SMURF2: variants seen among roughly 807,000 people sequenced by gnomAD.
SMURF2 encodes the protein E3 ubiquitin-protein ligase SMURF2.
A neutral mutation model predicts 109.6 loss-of-function variants in SMURF2; 48 were observed. That is an observed-to-expected ratio of 0.44 (90% confidence interval 0.35 to 0.56). The LOEUF (loss-of-function observed/expected upper bound fraction) is 0.56. Among genes scored for constraint, SMURF2 ranks in the 20% least tolerant of loss-of-function variants. The probability of loss-of-function intolerance (pLI) is 0.01; values close to 1 mark genes in which losing one functional copy is unlikely to be tolerated. For missense variants in SMURF2, 575 were observed against 909.0 expected (o/e 0.63, Z 4.72); for synonymous variants, 288 against 317.1 (o/e 0.91, Z 0.97).
At position 64,645,554 on chromosome 17, in the gene SMURF2, A is replaced by T. The variant is rs8068750; in HGVS notation, c.52+16275T>A. 2.0e-3 allele frequency among the ~76,000 whole-genome samples: 309 copies of T among 152,190 alleles called. 5 individuals are homozygous for T. Among genetic ancestry groups the T allele is most frequent in the African/African-American group, 7.0e-3 (292 of 41,474 alleles). On this transcript the variant is annotated intron_variant, in intron 1 of 18. Coordinates refer to ENST00000262435, the MANE Select transcript of SMURF2 (RefSeq NM_022739.4). ...CATCAGCCTGGGCAACACAGTGAGAACTTGTCCCTAAAAAAATAATTAAGA... is the reference window on the plus strand; with the variant it reads ...CATCAGCCTGGGCAACACAGTGAGATCTTGTCCCTAAAAAAATAATTAAGA...
intron 1 of SMURF2, among the ~76,000 whole-genome samples, chr17:64,657,603 G>A (rs144828660): frequency 0.015 from 2,242 of 151,752 alleles, 20 homozygotes; most frequent in Non-Finnish European, 0.021. Flanking sequence ...CAGTTGGGAA[G>A]CCAAGGTGGG....
rs147370553 is a variant in SMURF2 at position 64,612,963 on chromosome 17, G to A, written c.53-6323C>T. ...AAATAATATCAAGATTGGTCAGACC[G>A]CTATGCTTCATGCTGGATCTAAGCA... On this transcript the variant is annotated intron_variant, in intron 1 of 18. Transcript: ENST00000262435. 3.9e-3 allele frequency among the ~76,000 whole-genome samples: 589 copies of A among 152,250 alleles called. 5 individuals carry two copies. The highest frequency in any genetic ancestry group is 0.014 in the African/African-American group (562 of 41,546).
chr17:64,546,172 A>G lies in SMURF2; in HGVS notation c.2147+91T>C. 6 of 1,233,502 alleles carry G rather than the reference A, an allele frequency of 4.9e-6. No homozygotes were observed. The South Asian group carries it at 6.5e-5, about 13-fold the overall frequency. The allele number at this position is 1,233,502 out of a possible 1,614,324, so 76.4% of individuals were successfully genotyped here. Reference sequence around the variant, plus strand: ...CATTCCCTTTAAAGGCCCATTTAACACTAGTAAGTACAATAAATAAAAAGT... The same window carrying G: ...CATTCCCTTTAAAGGCCCATTTAACGCTAGTAAGTACAATAAATAAAAAGT... On this transcript the variant is annotated intron_variant, in intron 18 of 18. Transcript: ENST00000262435.
chr17:64,578,298 G>A (rs1969527744), intron 9 of SMURF2, among the ~76,000 whole-genome samples, 194 bp downstream of exon 9: 1 of 152,080 alleles, frequency 6.6e-6, no homozygotes, highest in African/African-American at 2.4e-5. Flanking sequence ...ACTGGTGAGG[G>A]AGGGGAGAAC....
intron 9 of SMURF2, 140 bp downstream of exon 9, chr17:64,578,352 G>A (rs1350544765): frequency 6.4e-6 from 4 of 623,100 alleles, no homozygotes; most frequent in Admixed American, 6.0e-5. Context: ...TCTACTAAAC[G>A]TTAAAACTGA....
Position 64,564,201 on chromosome 17 carries a change from G to A in SMURF2, c.1017-1235C>T, listed in dbSNP as rs557350643. Among the ~76,000 whole-genome samples, 11 of 152,230 alleles carry A rather than the reference G, an allele frequency of 7.2e-5. No homozygotes were observed. The East Asian group carries it at 1.7e-3, about 24-fold the overall frequency. On this transcript the variant is annotated intron_variant, in intron 10 of 18. Transcript: ENST00000262435. ...TCATAATAGTTTTATCTGTCATAGC[G>A]AAAGACTGGAAACAACCCAAATGCC...
chr17:64,577,653 T>G (rs991637339), intron 9 of SMURF2, among the ~76,000 whole-genome samples: 11 of 151,006 alleles, frequency 7.3e-5, no homozygotes, highest in African/African-American at 2.4e-4. Context: ...TGGAGTGCTG[T>G]AGCACGACCA....
At position 64,545,846 on chromosome 17, in the gene SMURF2, T is replaced by C; in HGVS notation, c.*2A>G. The C allele has an allele frequency of 6.3e-7, 1 of 1,581,118 alleles. No individual in the cohort carries two copies. Among genetic ancestry groups the C allele is most frequent in the Non-Finnish European group, 8.7e-7 (1 of 1,150,268 alleles). ...GAGTCCTGGGTAAATCCTTGAAGCT[T>C]GTCATTCCACAGCAAATCCACATGT... On this transcript the variant is annotated 3_prime_UTR_variant, in exon 19 of 19. Coordinates refer to ENST00000262435, the MANE Select transcript of SMURF2 (RefSeq NM_022739.4).
intron 1 of SMURF2, among the ~76,000 whole-genome samples, chr17:64,656,567 A>C (rs565874979): frequency 1.3e-5 from 2 of 152,190 alleles, no homozygotes; most frequent in Non-Finnish European, 2.9e-5. Flanking sequence ...CTCTTGTAAG[A>C]AGCAGCCTAA....
chr17:64,580,640 A>C (rs1969565584), intron 8 of SMURF2, 149 bp downstream of exon 8: 1 of 765,510 alleles, frequency 1.3e-6, no homozygotes. Context: ...ACCACTTCAA[A>C]GACTTTTCAA....
Position 64,661,982 on chromosome 17 carries a change from G to C in SMURF2, c.-102C>G. On this transcript the variant is annotated 5_prime_UTR_variant, in exon 1 of 19. Coordinates refer to ENST00000262435, the MANE Select transcript of SMURF2 (RefSeq NM_022739.4). ...GCCGGGGCTGGGGCCCGAGCAGCCG[G>C]CGCCTCGGCCGCCACGGCCGGAGGG... The C allele has an allele frequency of 9.0e-7, 1 of 1,113,164 alleles. No homozygotes were observed. The highest frequency in any genetic ancestry group is 1.1e-6 in the Non-Finnish European group (1 of 912,550). 69.0% of individuals were successfully genotyped at this position (1,113,164 alleles called of 1,614,324 possible).
At chr17:64,620,987 C>G (rs572183439) in intron 1 of SMURF2, among the ~76,000 whole-genome samples, 1 of 152,260 alleles carries the variant, frequency 6.6e-6, no homozygotes, top group Admixed American at 6.5e-5. Flanking sequence ...CGTACCCATT[C>G]CTTAGGGCCC....
In SMURF2 at chr17:64,581,061, A is replaced by C; in HGVS notation, c.570-70T>G. The C allele has an allele frequency of 7.4e-7, 1 of 1,353,198 alleles. No individual in the cohort carries two copies. The allele number at this position is 1,353,198 out of a possible 1,614,324, so 83.8% of individuals were successfully genotyped here. On this transcript the variant is annotated intron_variant, in intron 7 of 18. Transcript: ENST00000262435. This position sits in a 1 kb window ranked among gnomAD's most constrained non-coding sequence, Gnocchi z 4.3. ...AAAAGTAGAGTTCTCTAGACAATAT[A>C]TATATACTGCAGTAACAACCACTTA...
At chr17:64,605,775 A>ATATC (rs1367705550) in intron 2 of SMURF2, among the ~76,000 whole-genome samples, 2 of 139,014 alleles carry the variant, frequency 1.4e-5, no homozygotes, top group African/African-American at 2.8e-5. Context: ...ATATATATAT[A>ATATC]TCTTATTTCT....
chr17:64,596,138 A>C (rs1969813859), intron 3 of SMURF2, among the ~76,000 whole-genome samples: 1 of 152,048 alleles, frequency 6.6e-6, no homozygotes, highest in Admixed American at 6.6e-5. Context: ...CAATATTTTT[A>C]TACTGACATG....
At chr17:64,568,797 T>G (rs150148618) in intron 10 of SMURF2, among the ~76,000 whole-genome samples, 2 of 140,860 alleles carry the variant, frequency 1.4e-5, no homozygotes, top group African/African-American at 5.4e-5. Flanking sequence ...AGGCCAAGAG[T>G]TGGAGACCAG....
intron 1 of SMURF2, among the ~76,000 whole-genome samples, chr17:64,635,892 CCA>C (rs1267972789): frequency 6.6e-6 from 1 of 152,146 alleles, no homozygotes. Flanking sequence ...TGAAAAACTG[CCA>C]CAAACTGTTT....
chr17:64,584,370 T>G (rs1239349142), intron 6 of SMURF2, among the ~76,000 whole-genome samples: 4 of 145,924 alleles, frequency 2.7e-5, no homozygotes, highest in Non-Finnish European at 4.5e-5. Flanking sequence ...TCTTTTTTTT[T>G]TTTTTTTGAG....
At chr17:64,624,478 C>T (rs969857506) in intron 1 of SMURF2, among the ~76,000 whole-genome samples, 6 of 145,606 alleles carry the variant, frequency 4.1e-5, no homozygotes, top group Middle Eastern at 3.5e-3. Flanking sequence ...GGATTACAGG[C>T]GCACGCCACC....
Sources: allele counts gnomAD v4.1 joint callset (sites outside exome capture counted in the v4.1 genomes callset), GRCh38; gene constraint gnomAD v4.1.1; non-coding constraint Gnocchi (gnomAD v3.1); transcripts MANE v1.5; gene names NCBI Gene and HGNC (gene_info 2026-07-23, HGNC 2026-07-21).